AP3B2: variants seen among roughly 807,000 people sequenced by gnomAD.
AP3B2 encodes the protein adaptor related protein complex 3 subunit beta 2, also known as AP-3 complex subunit beta-2.
Under a neutral mutation model 126.9 loss-of-function variants are expected in AP3B2, and 50 were observed. That is an observed-to-expected ratio of 0.39 (90% confidence interval 0.31 to 0.50). The LOEUF (loss-of-function observed/expected upper bound fraction) is 0.50. Among genes scored for constraint, AP3B2 ranks in the 20% least tolerant of loss-of-function variants. The pLI is 0.79. For synonymous variants in AP3B2, 541 were observed against 565.0 expected, an observed-to-expected ratio of 0.96 and a Z score of 0.60; for missense variants, 1,177 against 1,426.4, an observed-to-expected ratio of 0.83 and a Z score of 2.82.
intron 14 of AP3B2, among the ~76,000 whole-genome samples, chr15:82,672,595 ATAAC>A (rs1314586446): frequency 6.6e-6 from 1 of 152,240 alleles, no homozygotes; most frequent in Non-Finnish European, 1.5e-5. Context: ...ACATTTATAA[ATAAC>A]TAAGAGAGTG....
intron 11 of AP3B2, 27 bp downstream of exon 11, chr15:82,678,078 C>T (rs1473655268): frequency 6.2e-7 from 1 of 1,612,084 alleles, no homozygotes; most frequent in African/African-American, 1.3e-5. Context: ...CTCTCCCAGG[C>T]CCTTCTGGCT....
chr15:82,683,613 C>T (rs1401412547), intron 4 of AP3B2, among the ~76,000 whole-genome samples: 2 of 152,160 alleles, frequency 1.3e-5, no homozygotes, highest in Non-Finnish European at 2.9e-5. Flanking sequence ...TTGACCTCCT[C>T]CCATGAATCA....
intron 4 of AP3B2, among the ~76,000 whole-genome samples, chr15:82,683,047 GT>G (rs61213011): frequency 0.011 from 884 of 77,540 alleles, 5 homozygotes; most frequent in African/African-American, 0.014. Flanking sequence ...TGCACCAGGA[GT>G]TTTTTTTTTT....
At position 82,678,186 on chromosome 15, in the gene AP3B2, A is replaced by C. The variant is rs377729111; in HGVS notation, c.1183-19T>G. 4.2e-4 allele frequency: 678 copies of C among 1,613,236 alleles called. 2 individuals are homozygous for C. The Middle Eastern group carries it at 4.3e-3, about 10-fold the overall frequency. ...CTTCCAGCTGCAGGGAGGGTTGGAG[A>C]GGCAGAAAATGGGTGGGTTGGCCAG... On this transcript the variant is annotated intron_variant, in intron 10 of 26. Transcript: ENST00000535359.
rs778763806 is a variant in AP3B2 at position 82,677,261 on chromosome 15, G to A, written c.1488+13C>T. ...CCTTGAAGTGGGGAGTGAAAATATG[G>A]CTTCTCCCTCACCTGGATGTTGTCT... On this transcript the variant is annotated intron_variant, in intron 13 of 26. Transcript: ENST00000535359. The A allele has an allele frequency of 1.2e-5, 19 of 1,589,772 alleles. No individual in the cohort carries two copies. In the African/African-American group the frequency reaches 2.4e-4, roughly 20 times the overall value.
chr15:82,701,016 A>G (rs907541104), intron 1 of AP3B2, among the ~76,000 whole-genome samples: 11 of 152,020 alleles, frequency 7.2e-5, no homozygotes, highest in African/African-American at 2.7e-4. Flanking sequence ...ATGCGTTACC[A>G]CAACTGGCTA....
chr15:82,682,688 T>G (rs2048360754), intron 4 of AP3B2, among the ~76,000 whole-genome samples: 1 of 150,074 alleles, frequency 6.7e-6, no homozygotes, highest in Non-Finnish European at 1.5e-5. Flanking sequence ...GCCACTGCAC[T>G]CCAGACTGAG....
intron 14 of AP3B2, among the ~76,000 whole-genome samples, chr15:82,676,095 C>G (rs1276386091): frequency 6.6e-6 from 1 of 152,172 alleles, no homozygotes; most frequent in Non-Finnish European, 1.5e-5. Flanking sequence ...TGGAAAGAAG[C>G]ACAGACCACA....
intron 1 of AP3B2, among the ~76,000 whole-genome samples, chr15:82,695,095 CTTTTTTT>C (rs747831776): frequency 3.7e-5 from 5 of 134,816 alleles, no homozygotes; most frequent in East Asian, 2.2e-4. Context: ...TTCTTTCTTT[CTTTTTTT>C]TTTTTTTTTT....
chr15:82,685,613 T>C (rs2048412914), intron 4 of AP3B2: 1 of 152,236 alleles, frequency 6.6e-6, no homozygotes, highest in Admixed American at 6.5e-5. Flanking sequence ...TGCTTAAACC[T>C]GTTTTCCTTT....
chr15:82,681,276 G>C lies in AP3B2; in HGVS notation c.522-98C>G. On this transcript the variant is annotated intron_variant, in intron 5 of 26. Transcript: ENST00000535359. The surrounding 1 kb of genome is among the most constrained non-coding windows in gnomAD (Gnocchi z 4.0). ...TCACCTCCTGCACCCCAGCCTTATT[G>C]TTCTCCTCCATCTCTGTCAGTCCCC... 2.0e-6 allele frequency: 3 copies of C among 1,520,780 alleles called. No individual in the cohort carries two copies. Among genetic ancestry groups the C allele is most frequent in the Non-Finnish European group, 2.7e-6 (3 of 1,118,084 alleles). The allele number at this position is 1,520,780 out of a possible 1,614,324, so 94.2% of individuals were successfully genotyped here.
chr15:82,689,192 G>C lies in AP3B2; in HGVS notation c.230C>G (p.Ala77Gly), dbSNP rs777745101. 29 of 1,613,990 alleles carry C rather than the reference G, an allele frequency of 1.8e-5. 1 individual carries two copies. In the South Asian group the frequency reaches 3.2e-4, roughly 18 times the overall value. Residue 77 changes from alanine to glycine, a missense_variant, in exon 3 of 27, where the codon GCG becomes GGG. This residue lies in a region of AP3B2 where 130 missense variants were observed against 262.0 expected (regional missense o/e 0.50). Transcript: ENST00000535359. ...CTTACAGGCCACGTTCTTCACCACCGCGGGAAACAGGTCTGAAGCATTCTT... is the reference window on the plus strand; with the variant it reads ...CTTACAGGCCACGTTCTTCACCACCCCGGGAAACAGGTCTGAAGCATTCTT... ...RGKNASDLFPAVVKNVACKNI... is the reference protein window; with the variant it reads ...RGKNASDLFPGVVKNVACKNI...
At chr15:82,661,638 G>C (rs901874270) in intron 25 of AP3B2, among the ~76,000 whole-genome samples, 187 bp downstream of exon 25, 1 of 152,112 alleles carries the variant, frequency 6.6e-6, no homozygotes, top group South Asian at 2.1e-4. Context: ...AGCCACAGTC[G>C]TGTTGTAACT....
rs2048536214 is a variant in AP3B2 at position 82,691,681 on chromosome 15, C to T, written c.114-2228G>A. 3 of 1,422,652 alleles carry T rather than the reference C, an allele frequency of 2.1e-6. No homozygotes were observed. In the South Asian group the frequency reaches 4.8e-5, roughly 23 times the overall value. 88.1% of individuals were successfully genotyped at this position (1,422,652 alleles called of 1,614,324 possible). A position where few individuals can be genotyped will look rare whatever the true frequency, so the allele number is the denominator to read the frequency against. Reference sequence around the variant, plus strand: ...TGCAGATTCTGAGCACAAAGCAGCTCAGTTAACCTAAAAAATAAAGAAAAA... The same window carrying T: ...TGCAGATTCTGAGCACAAAGCAGCTTAGTTAACCTAAAAAATAAAGAAAAA... On this transcript the variant is annotated intron_variant, in intron 1 of 26. Coordinates refer to ENST00000535359, the MANE Select transcript of AP3B2 (RefSeq NM_001278512.2).
chr15:82,670,069 CAA>C (rs779045948), intron 14 of AP3B2, among the ~76,000 whole-genome samples: 4 of 36,422 alleles, frequency 1.1e-4, no homozygotes, highest in East Asian at 1.0e-3. Flanking sequence ...ACTCCGTCTC[CAA>C]AAAAAAAAAA....
intron 4 of AP3B2, chr15:82,685,383 T>C (rs1328198815): frequency 6.6e-6 from 1 of 152,196 alleles, no homozygotes; most frequent in East Asian, 1.9e-4. Flanking sequence ...GCCTGTACTA[T>C]TACTCTTAGA....
Position 82,680,674 on chromosome 15 carries a change from T to C in AP3B2, c.853A>G (p.Thr285Ala). Residue 285 changes from threonine to alanine, a missense_variant, in exon 8 of 27, where the codon ACG (threonine) becomes GCG (alanine). By Grantham distance (58) the Thr-to-Ala change is moderately conservative. Around this residue, in one of 5 missense-constraint regions of AP3B2, gnomAD observed 103 missense variants for 101.4 expected, o/e 1.02. Transcript: ENST00000535359. The surrounding 1 kb of genome is among the most constrained non-coding windows in gnomAD (Gnocchi z 6.1). ...CGGGAGGGGGCGGCCGCGGCGGCCG[T>C]CTCCTCAGACCCCGCGCCCTTGGCC... is the stretch of plus-strand genomic sequence containing the variant. ...DEAKGAGSEE[T>A]AAAAAPSRKP... The C allele has an allele frequency of 6.3e-7, 1 of 1,579,128 alleles. No individual in the cohort carries two copies. The highest frequency in any genetic ancestry group is 8.6e-7 in the Non-Finnish European group (1 of 1,167,302).
At chr15:82,686,425 A>G (rs769407234) in intron 4 of AP3B2, 7 of 152,252 alleles carry the variant, frequency 4.6e-5, no homozygotes, top group Non-Finnish European at 1.0e-4. Flanking sequence ...AAAGGAATAC[A>G]TATGTAGTAC....
chr15:82,688,960 C>G lies in AP3B2; in HGVS notation c.265-129G>C. 6.0e-6 allele frequency: 6 copies of G among 1,006,062 alleles called. No individual in the cohort carries two copies. In the Admixed American group the frequency reaches 1.1e-4, roughly 18 times the overall value. 62.3% of individuals were successfully genotyped at this position (1,006,062 alleles called of 1,614,324 possible). On this transcript the variant is annotated intron_variant, in intron 3 of 26. Coordinates refer to ENST00000535359, the MANE Select transcript of AP3B2 (RefSeq NM_001278512.2). The stretch of plus-strand genomic sequence containing the variant: ...GACAAACTCTCCCAGTGGGGGAGAG[C>G]ACCCCTGAGTGTATCCGGGTCCTTT...
Sources: gnomAD v4.1 joint callset for allele counts (sites outside exome capture counted in the v4.1 genomes callset) on GRCh38, gnomAD v4.1.1 for gene constraint, gnomAD v4.1.1 regional missense constraint, Gnocchi (gnomAD v3.1) non-coding constraint, MANE v1.5 for transcripts, NCBI Gene and HGNC (gene_info 2026-07-23, HGNC 2026-07-21) for gene names.